RUNDC3B: variants seen among roughly 807,000 people sequenced by gnomAD.
RUNDC3B encodes the protein RUN domain-containing protein 3B.
A neutral mutation model predicts 58.4 loss-of-function variants in RUNDC3B; 33 were observed. That is an observed-to-expected ratio of 0.56 (90% confidence interval 0.43 to 0.75). RUNDC3B has a LOEUF of 0.75. RUNDC3B is among the 30% of genes least tolerant of loss of function. RUNDC3B has a pLI of 0.00. For missense variants in RUNDC3B, 501 were observed against 535.7 expected, an observed-to-expected ratio of 0.94 and a Z score of 0.64; for synonymous variants, 193 against 195.2, an observed-to-expected ratio of 0.99 and a Z score of 0.10.
In RUNDC3B at chr7:87,699,564, C is replaced by T. The variant is rs567870090; in HGVS notation, c.239-857C>T. On this transcript the variant is annotated intron_variant, in intron 2 of 10. Coordinates refer to ENST00000394654, the MANE Select transcript of RUNDC3B (RefSeq NM_001134405.2). The stretch of plus-strand genomic sequence containing the variant: ...GGGATTATGGGCATACACCACCATG[C>T]CCAGCTAGTTTTTGTATTTTTAGTA... 5.9e-5 allele frequency among the ~76,000 whole-genome samples: 9 copies of T among 152,274 alleles called. No homozygotes were observed. In the East Asian group the frequency reaches 1.5e-3, roughly 26 times the overall value.
intron 4 of RUNDC3B, among the ~76,000 whole-genome samples, chr7:87,714,574 G>A (rs1429128783): frequency 6.6e-6 from 1 of 152,090 alleles, no homozygotes; most frequent in South Asian, 2.1e-4. Flanking sequence ...CCTATGATTA[G>A]CAAGATATTA....
chr7:87,687,378 A>G (rs540412216), intron 2 of RUNDC3B, among the ~76,000 whole-genome samples: 10 of 152,264 alleles, frequency 6.6e-5, no homozygotes, highest in East Asian at 5.8e-4. Context: ...CCCTTCCACT[A>G]TATTTTAAAT....
intron 1 of RUNDC3B, among the ~76,000 whole-genome samples, chr7:87,632,662 A>G (rs972710644): frequency 6.6e-6 from 1 of 152,102 alleles, no homozygotes; most frequent in Non-Finnish European, 1.5e-5. Context: ...GATTTTTTTA[A>G]CTTGCATTTT....
intron 10 of RUNDC3B, among the ~76,000 whole-genome samples, chr7:87,828,304 C>A (rs1837947134): frequency 6.6e-6 from 1 of 151,992 alleles, no homozygotes; most frequent in Non-Finnish European, 1.5e-5. Context: ...GTTTAGGGTA[C>A]AATTGATCCC....
intron 1 of RUNDC3B, among the ~76,000 whole-genome samples, chr7:87,633,855 CT>C (rs1821471366): frequency 1.3e-5 from 2 of 152,028 alleles, no homozygotes; most frequent in East Asian, 3.9e-4. Context: ...CTGTCTTATC[CT>C]GTTTTGTGTT....
chr7:87,637,936 T>G (rs1821965318), intron 1 of RUNDC3B, among the ~76,000 whole-genome samples: 1 of 152,120 alleles, frequency 6.6e-6, no homozygotes, highest in Admixed American at 6.5e-5. Context: ...AATGCAGTGT[T>G]GCAGAAAACG....
rs983715483 is a variant in RUNDC3B at position 87,628,961 on chromosome 7, G to A, written c.122+16G>A. The A allele has an allele frequency of 1.5e-6, 2 of 1,308,190 alleles. No homozygotes were observed. Among genetic ancestry groups the A allele is most frequent in the African/African-American group, 1.5e-5 (1 of 66,356 alleles). 81.0% of individuals were successfully genotyped at this position (1,308,190 alleles called of 1,614,324 possible). A position where few individuals can be genotyped will look rare whatever the true frequency, so the allele number is the denominator to read the frequency against. On this transcript the variant is annotated intron_variant, in intron 1 of 10. Coordinates refer to ENST00000394654, the MANE Select transcript of RUNDC3B (RefSeq NM_001134405.2). ...CCGTGTGCAGGTACGGCAGCGCAGG[G>A]CGAGGGGAACCAGCCTCCCGCCGGG...
intron 2 of RUNDC3B, 71 bp from the exon 3 acceptor site, chr7:87,700,350 T>A (rs75352149): frequency 7.8e-7 from 1 of 1,285,114 alleles, no homozygotes; most frequent in African/African-American, 1.5e-5. Flanking sequence ...CAGAATTTTA[T>A]TGTTCTTGCA....
chr7:87,764,768 T>G (rs978050572), intron 6 of RUNDC3B, among the ~76,000 whole-genome samples: 4 of 151,942 alleles, frequency 2.6e-5, no homozygotes, highest in African/African-American at 9.7e-5. Context: ...ACCATGTATA[T>G]ATACACCACA....
chr7:87,728,279 C>T, intron 4 of RUNDC3B, among the ~76,000 whole-genome samples: 1 of 152,162 alleles, frequency 6.6e-6, no homozygotes, highest in East Asian at 1.9e-4. Flanking sequence ...AGAGTCAAAA[C>T]ACTTCAAACT....
At chr7:87,664,452 A>G (rs1033985227) in intron 2 of RUNDC3B, among the ~76,000 whole-genome samples, 1 of 152,196 alleles carries the variant, frequency 6.6e-6, no homozygotes, top group Non-Finnish European at 1.5e-5. Flanking sequence ...GATGACCCAG[A>G]TGTTGGAATA....
At chr7:87,781,591 G>T (rs1217330961) in intron 8 of RUNDC3B, among the ~76,000 whole-genome samples, 1 of 152,022 alleles carries the variant, frequency 6.6e-6, no homozygotes, top group Admixed American at 6.6e-5. Flanking sequence ...TCCAGCCTTT[G>T]CCCATTCAGT....
intron 1 of RUNDC3B, among the ~76,000 whole-genome samples, chr7:87,639,994 A>G (rs1052839146): frequency 6.6e-6 from 1 of 150,482 alleles, no homozygotes; most frequent in African/African-American, 2.4e-5. Context: ...CATTTATTCC[A>G]TGATTCCAGT....
intron 2 of RUNDC3B, among the ~76,000 whole-genome samples, chr7:87,673,064 G>A (rs1825992266): frequency 6.6e-6 from 1 of 152,180 alleles, no homozygotes; most frequent in South Asian, 2.1e-4. Flanking sequence ...CTGGTTTGTA[G>A]GCTTTCTGCT....
At chr7:87,698,969 G>A (rs1828759414) in intron 2 of RUNDC3B, among the ~76,000 whole-genome samples, 1 of 152,026 alleles carries the variant, frequency 6.6e-6, no homozygotes, top group Non-Finnish European at 1.5e-5. Context: ...AATACTAGGG[G>A]GCGATTTTTA....
At chr7:87,715,411 T>G (rs1311357301) in intron 4 of RUNDC3B, among the ~76,000 whole-genome samples, 21 of 129,470 alleles carry the variant, frequency 1.6e-4, no homozygotes, top group Non-Finnish European at 2.7e-4. Flanking sequence ...TAATATTTAA[T>G]ATAATATATT....
chr7:87,659,367 T>G (rs139374078), intron 2 of RUNDC3B: 1 of 285,386 alleles, frequency 3.5e-6, no homozygotes, highest in East Asian at 1.1e-4. Context: ...ATATTGTTTT[T>G]TAGTGTATCT....
rs1468348829 is a variant in RUNDC3B at position 87,628,584 on chromosome 7, C to CGTGCGTGTGT, written c.-237_-236insCGTGTGTGTG. ...CGAGGGCGGAGGTGGTGCGTGCGTGCGTGTGTGTGTGTGTGTGTGTGTGTG... is the reference window on the plus strand; with the variant it reads ...CGAGGGCGGAGGTGGTGCGTGCGTGCGTGCGTGTGTGTGTGTGTGTGTGTGTGTGTGTGTG... On this transcript the variant is annotated 5_prime_UTR_variant, in exon 1 of 11. Coordinates refer to ENST00000394654, the MANE Select transcript of RUNDC3B (RefSeq NM_001134405.2). 6.9e-5 allele frequency: 20 copies of CGTGCGTGTGT among 290,666 alleles called. No homozygotes were observed. The highest frequency in any genetic ancestry group is 2.4e-4 in the African/African-American group (10 of 41,658). The allele number at this position is 290,666 out of a possible 1,614,324, so 18.0% of individuals were successfully genotyped here. A position where few individuals can be genotyped will look rare whatever the true frequency, so the allele number is the denominator to read the frequency against.
At chr7:87,783,775 A>T (rs1346550275) in intron 8 of RUNDC3B, among the ~76,000 whole-genome samples, 2 of 152,126 alleles carry the variant, frequency 1.3e-5, no homozygotes, top group Non-Finnish European at 2.9e-5. Context: ...GTTTGGTGGG[A>T]TATTAAATTC....
Sources: gnomAD v4.1 joint callset for allele counts (sites outside exome capture counted in the v4.1 genomes callset) on GRCh38, gnomAD v4.1.1 for gene constraint, MANE v1.5 for transcripts, NCBI Gene and HGNC (gene_info 2026-07-23, HGNC 2026-07-21) for gene names.